GABRA2: variants seen among roughly 807,000 people sequenced by gnomAD.
The protein encoded by GABRA2 is gamma-aminobutyric acid receptor subunit alpha-2.
Under a neutral mutation model 48.7 loss-of-function variants are expected in GABRA2, and 16 were observed. The observed-to-expected ratio is 0.33, with a 90% CI of 0.22 to 0.50. GABRA2 has a LOEUF of 0.50. Ranked by LOEUF, GABRA2 falls within the 20% of genes least tolerant of loss-of-function variation. The pLI, the probability that GABRA2 is intolerant of heterozygous loss-of-function variation, is 0.98. For synonymous variants in GABRA2, 185 were observed against 184.5 expected (o/e 1.00, Z -0.02); for missense variants, 275 against 535.6 (o/e 0.51, Z 4.80).
chr4:46,388,449 C>G (rs964194958), intron 2 of GABRA2, among the ~76,000 whole-genome samples, 187 bp downstream of exon 2: 1 of 152,116 alleles, frequency 6.6e-6, no homozygotes. Flanking sequence ...GCTTTTGGAT[C>G]TTATCACTAA....
intron 3 of GABRA2, among the ~76,000 whole-genome samples, chr4:46,335,050 T>C (rs1340305460): frequency 6.6e-6 from 1 of 152,148 alleles, no homozygotes; most frequent in Non-Finnish European, 1.5e-5. Context: ...AATATAGATA[T>C]TTGATACATC....
rs1719272307 is a variant in GABRA2 at position 46,271,221 on chromosome 4, A to AT, written c.857-9094dup. On this transcript the variant is annotated intron_variant, in intron 8 of 9. Coordinates refer to ENST00000381620, the MANE Select transcript of GABRA2 (RefSeq NM_000807.4). The stretch of plus-strand genomic sequence containing the variant: ...TACCACCTGCTGGTTATTGCTTGGA[A>AT]TGACAGAAACAAAAGATACTCTGAT... Among the ~76,000 whole-genome samples, 5 of 151,944 alleles carry AT rather than the reference A, an allele frequency of 3.3e-5. No individual in the cohort carries two copies. In the South Asian group the frequency reaches 1.0e-3, roughly 31 times the overall value.
intron 3 of GABRA2, among the ~76,000 whole-genome samples, chr4:46,344,741 C>T (rs897654313): frequency 1.3e-5 from 2 of 151,726 alleles, no homozygotes; most frequent in Non-Finnish European, 2.9e-5. Context: ...TTGATTATAT[C>T]AGGAATGAGT....
chr4:46,314,355 G>A (rs1049442448), intron 4 of GABRA2, among the ~76,000 whole-genome samples: 5 of 151,950 alleles, frequency 3.3e-5, no homozygotes, highest in Non-Finnish European at 5.9e-5. Flanking sequence ...TGTTTTATCT[G>A]TTTCAGAAGC....
At chr4:46,334,999 T>C in intron 3 of GABRA2, among the ~76,000 whole-genome samples, 1 of 152,180 alleles carries the variant, frequency 6.6e-6, no homozygotes, top group East Asian at 1.9e-4. Context: ...CACAGAGCTG[T>C]AAACAACCAA....
intron 3 of GABRA2, among the ~76,000 whole-genome samples, chr4:46,356,517 C>T (rs560114927): frequency 6.6e-6 from 1 of 151,560 alleles, no homozygotes; most frequent in East Asian, 1.9e-4. Context: ...GTTTATCAAG[C>T]AATTACAGGG....
At chr4:46,332,711 A>G (rs200532081) in intron 3 of GABRA2, 29 bp from the exon 4 acceptor site, 2 of 1,233,792 alleles carry the variant, frequency 1.6e-6, no homozygotes, top group Admixed American at 1.7e-5. Flanking sequence ...TTGAATATAG[A>G]TATTATATAA....
rs1407042437 is a variant in GABRA2, at chr4:46,246,721, TTAACA to T, written c.*3582_*3586del. 6.6e-6 allele frequency among the ~76,000 whole-genome samples: 1 copy of T among 151,288 alleles called. No homozygotes were observed. The highest frequency in any genetic ancestry group is 1.5e-5 in the Non-Finnish European group (1 of 67,478). On this transcript the variant is annotated 3_prime_UTR_variant, in exon 10 of 10. Transcript: ENST00000381620. Reference sequence around the variant, plus strand: ...AATAATAATCTGTTTAGTAAATCTATTAACATAACCTCATATTTCCAAGTAAATAA... The same window carrying T: ...AATAATAATCTGTTTAGTAAATCTATTAACCTCATATTTCCAAGTAAATAA...
intron 3 of GABRA2, chr4:46,366,200 C>T (rs909446334): frequency 6.6e-6 from 1 of 152,052 alleles, no homozygotes; most frequent in African/African-American, 2.4e-5. Flanking sequence ...CTTTAATTCA[C>T]AACACCCTAA....
intron 8 of GABRA2, among the ~76,000 whole-genome samples, chr4:46,283,866 T>C (rs1175892376): frequency 6.6e-6 from 1 of 152,140 alleles, no homozygotes; most frequent in Non-Finnish European, 1.5e-5. Flanking sequence ...TTCATGCCAT[T>C]CTCCTGCCTC....
chr4:46,292,705 C>T (rs756687673), intron 8 of GABRA2, among the ~76,000 whole-genome samples: 17 of 152,122 alleles, frequency 1.1e-4, no homozygotes, highest in Non-Finnish European at 1.0e-4. Context: ...CCTGATCTCT[C>T]TTGGTTTAAT....
intron 3 of GABRA2, among the ~76,000 whole-genome samples, chr4:46,348,484 A>G (rs1322967469): frequency 1.3e-5 from 2 of 152,066 alleles, no homozygotes; most frequent in African/African-American, 4.8e-5. Flanking sequence ...ACATATGTTT[A>G]TTGTGGCACT....
At chr4:46,346,026 C>T (rs1734086979) in intron 3 of GABRA2, among the ~76,000 whole-genome samples, 1 of 151,918 alleles carries the variant, frequency 6.6e-6, no homozygotes, top group African/African-American at 2.4e-5. Flanking sequence ...GAATGTCACG[C>T]ACACATTTTA....
intron 8 of GABRA2, among the ~76,000 whole-genome samples, chr4:46,262,896 A>C (rs1196435151): frequency 6.7e-6 from 1 of 148,962 alleles, no homozygotes; most frequent in African/African-American, 2.5e-5. Context: ...AAGTCCGTTG[A>C]AAGAAAGAAC....
chr4:46,385,515 C>G (rs905863555), intron 3 of GABRA2, among the ~76,000 whole-genome samples: 1 of 151,824 alleles, frequency 6.6e-6, no homozygotes, highest in African/African-American at 2.4e-5. Flanking sequence ...AAACTTTAGA[C>G]CTATGTCTAA....
intron 8 of GABRA2, chr4:46,303,120 T>C (rs1401660050): frequency 4.6e-5 from 11 of 240,784 alleles, no homozygotes; most frequent in Non-Finnish European, 8.8e-5. Context: ...TGTTTGATCA[T>C]AGCAACAATA....
intron 3 of GABRA2, among the ~76,000 whole-genome samples, chr4:46,378,213 G>A (rs1377813989): frequency 6.6e-6 from 1 of 152,328 alleles, no homozygotes; most frequent in East Asian, 1.9e-4. Context: ...TTGTGGAATG[G>A]AAAGGGGGGA....
intron 8 of GABRA2, among the ~76,000 whole-genome samples, chr4:46,283,761 CTGTT>C (rs570463658): frequency 8.9e-4 from 135 of 152,094 alleles, no homozygotes; most frequent in Non-Finnish European, 1.6e-3. Context: ...CTTAGTTTTT[CTGTT>C]TGTTTGTTTT....
chr4:46,355,923 C>A (rs1046240316), intron 3 of GABRA2, among the ~76,000 whole-genome samples: 1 of 152,104 alleles, frequency 6.6e-6, no homozygotes, highest in Non-Finnish European at 1.5e-5. Context: ...AGTCAAAACA[C>A]TCTTGTTTAT....
Sources: allele counts gnomAD v4.1 joint callset (sites outside exome capture counted in the v4.1 genomes callset), GRCh38; gene constraint gnomAD v4.1.1; transcripts MANE v1.5; gene names NCBI Gene and HGNC (gene_info 2026-07-23, HGNC 2026-07-21).